The following RGS7 variants were observed in gnomAD, a reference collection of about 807,000 sequenced individuals.
The protein encoded by RGS7 is regulator of G protein signaling 7.
Under a neutral mutation model 81.1 loss-of-function variants are expected in RGS7, and 27 were observed. The observed-to-expected ratio is 0.33, with a 90% confidence interval of 0.25 to 0.46. The LOEUF (loss-of-function observed/expected upper bound fraction) is 0.46. RGS7 is among the 20% of genes least tolerant of loss of function. The pLI, the probability that RGS7 is intolerant of heterozygous loss-of-function variation, is 1.00. For synonymous variants in RGS7, 208 were observed against 207.7 expected (o/e 1.00, Z -0.01); for missense variants, 396 against 607.4 (o/e 0.65, Z 3.66).
chr1:240,919,714 G>C (rs1673186329), intron 6 of RGS7: 2 of 612,192 alleles, frequency 3.3e-6, no homozygotes, highest in Admixed American at 2.7e-5. Context: ...TTGGAGGGCT[G>C]AGCTTTGAAA....
intron 6 of RGS7, among the ~76,000 whole-genome samples, chr1:240,870,836 ATC>A (rs1355066837): frequency 6.6e-6 from 1 of 152,204 alleles, no homozygotes; most frequent in Non-Finnish European, 1.5e-5. Flanking sequence ...AACTGAAACA[ATC>A]TGTTCATGTA....
chr1:241,328,858 G>T (rs1227047838), intron 2 of RGS7, among the ~76,000 whole-genome samples: 2 of 152,012 alleles, frequency 1.3e-5, no homozygotes, highest in African/African-American at 4.8e-5. Flanking sequence ...AAAATACTCT[G>T]GAAACAAAGT....
chr1:241,071,874 C>CAAAAAAAAGAAA (rs2062475271), intron 3 of RGS7, among the ~76,000 whole-genome samples: 1 of 56,856 alleles, frequency 1.8e-5, no homozygotes, highest in Non-Finnish European at 2.9e-5. Flanking sequence ...GAGACCCTGT[C>CAAAAAAAAGAAA]AAAAAAAAAA....
chr1:241,202,722 A>G (rs1327810123), intron 2 of RGS7, among the ~76,000 whole-genome samples: 2 of 152,190 alleles, frequency 1.3e-5, no homozygotes, highest in Non-Finnish European at 1.5e-5. Flanking sequence ...AACAAGTCAG[A>G]TAAGTTCTTT....
intron 2 of RGS7, among the ~76,000 whole-genome samples, chr1:241,151,565 C>CTTTTTTTTTTTTTT (rs58097674): frequency 8.6e-6 from 1 of 116,478 alleles, no homozygotes; most frequent in African/African-American, 3.3e-5. Flanking sequence ...ATTAGGAACT[C>CTTTTTTTTTTTTTT]TTTTTTTTTT....
intron 18 of RGS7, among the ~76,000 whole-genome samples, chr1:240,797,419 T>A (rs892996634): frequency 2.0e-5 from 3 of 152,232 alleles, no homozygotes; most frequent in African/African-American, 7.2e-5. Flanking sequence ...TGGCATGATC[T>A]CTGCTCACTG....
intron 2 of RGS7, among the ~76,000 whole-genome samples, chr1:241,162,549 GT>G (rs1303625642): frequency 6.6e-6 from 1 of 152,158 alleles, no homozygotes; most frequent in Middle Eastern, 3.2e-3. Context: ...CACCCACTTG[GT>G]CCTCTGGCAA....
rs145677619 is a variant in RGS7 at position 240,842,291 on chromosome 1, C to T, written c.610-15119G>A. On this transcript the variant is annotated intron_variant, in intron 9 of 18. Transcript: ENST00000440928. ...TTGGCTCACTGCAACCCCCGCCTCCCGGTTTCAAGCGATTCTCATGCCTCA... is the reference window on the plus strand; with the variant it reads ...TTGGCTCACTGCAACCCCCGCCTCCTGGTTTCAAGCGATTCTCATGCCTCA... 3.3e-3 allele frequency among the ~76,000 whole-genome samples: 486 copies of T among 145,982 alleles called. 5 individuals carry two copies. Among genetic ancestry groups the T allele is most frequent in the African/African-American group, 0.012 (462 of 39,620 alleles).
intron 4 of RGS7, among the ~76,000 whole-genome samples, chr1:240,970,779 G>GTTCGAGATCAGGAA (rs1375001424): frequency 1.3e-5 from 2 of 152,136 alleles, no homozygotes; most frequent in African/African-American, 4.8e-5. Context: ...GAGATCAGGA[G>GTTCGAGATCAGGAA]TTCAAGACCA....
At chr1:240,870,819 T>C (rs542205265) in intron 6 of RGS7, among the ~76,000 whole-genome samples, 15 of 152,362 alleles carry the variant, frequency 9.8e-5, no homozygotes, top group African/African-American at 3.6e-4. Flanking sequence ...GTCCAGATTC[T>C]ACTGTCAACT....
intron 2 of RGS7, among the ~76,000 whole-genome samples, chr1:241,213,515 C>T (rs1174723416): frequency 6.6e-6 from 1 of 152,148 alleles, no homozygotes; most frequent in Non-Finnish European, 1.5e-5. Flanking sequence ...ATTTTTAGTG[C>T]TCTTTTTTGT....
chr1:241,059,114 C>A (rs889739501), intron 3 of RGS7, among the ~76,000 whole-genome samples: 1 of 152,326 alleles, frequency 6.6e-6, no homozygotes, highest in East Asian at 1.9e-4. Flanking sequence ...GTGCTGCTGA[C>A]TTCTCTCCAT....
intron 6 of RGS7, chr1:240,920,221 G>A: frequency 8.6e-7 from 1 of 1,169,304 alleles, no homozygotes. Context: ...AGTGCTTCAT[G>A]CAGCCAAAGA....
In RGS7 at chr1:241,291,570, C is replaced by CTTTTTTTTTTTTTTTTTTTTTT. The variant is rs397947911; in HGVS notation, c.78+64128_78+64129insAAAAAAAAAAAAAAAAAAAAAA. Among the ~76,000 whole-genome samples, 34 of 94,148 alleles carry CTTTTTTTTTTTTTTTTTTTTTT rather than the reference C, an allele frequency of 3.6e-4. 3 individuals carry two copies. The highest frequency in any genetic ancestry group is 8.0e-4 in the East Asian group (2 of 2,486). The allele number at this position is 94,148 out of a possible 152,430, so 61.8% of individuals were successfully genotyped here. A position where few individuals can be genotyped will look rare whatever the true frequency, so the allele number is the denominator to read the frequency against. ...CCTTTCTGGCTCAGAGAATTCCCAG[C>CTTTTTTTTTTTTTTTTTTTTTT]TTTTTTTTTTTTTTTTTGCTTTTTT... On this transcript the variant is annotated intron_variant, in intron 2 of 18. Transcript: ENST00000440928.
chr1:240,920,631 C>A (rs1378801000), intron 6 of RGS7: 7 of 1,116,270 alleles, frequency 6.3e-6, no homozygotes, highest in South Asian at 2.5e-5. Context: ...CAAAGCTTAG[C>A]GGAAGAGGAG....
intron 2 of RGS7, among the ~76,000 whole-genome samples, chr1:241,236,035 A>G (rs186926301): frequency 6.6e-6 from 1 of 152,028 alleles, no homozygotes; most frequent in Non-Finnish European, 1.5e-5. Context: ...ATTTGTTCAC[A>G]TGTTTTTAAA....
chr1:241,118,080 T>A (rs2065994897), intron 2 of RGS7, among the ~76,000 whole-genome samples: 2 of 152,218 alleles, frequency 1.3e-5, no homozygotes, highest in African/African-American at 2.4e-5. Flanking sequence ...TCTATGGTAG[T>A]GAAGCCTACT....
chr1:241,082,098 G>C (rs2063167926), intron 3 of RGS7, among the ~76,000 whole-genome samples: 1 of 152,140 alleles, frequency 6.6e-6, no homozygotes, highest in East Asian at 1.9e-4. Context: ...GAAGACAAAG[G>C]GTCCAGCTAA....
intron 3 of RGS7, among the ~76,000 whole-genome samples, chr1:241,058,860 G>T (rs1249144288): frequency 1.3e-5 from 2 of 152,160 alleles, no homozygotes; most frequent in African/African-American, 4.8e-5. Flanking sequence ...TTCAGGCATT[G>T]ACTGAATACT....
Sources: gnomAD v4.1 joint callset for allele counts (sites outside exome capture counted in the v4.1 genomes callset) on GRCh38, gnomAD v4.1.1 for gene constraint, MANE v1.5 for transcripts, NCBI Gene and HGNC (gene_info 2026-07-23, HGNC 2026-07-21) for gene names.